Variants in ZNF236 observed in about 807,000 individuals in gnomAD.
ZNF236 encodes the protein regulated by glucose.
A neutral mutation model predicts 191.2 loss-of-function variants in ZNF236; 50 were observed. The observed-to-expected ratio is 0.26, with a 90% CI of 0.21 to 0.33. ZNF236 has a LOEUF of 0.33. Ranked by LOEUF, ZNF236 falls within the 10% of genes least tolerant of loss-of-function variation. The pLI, the probability that ZNF236 is intolerant of heterozygous loss-of-function variation, is 1.00. For missense variants in ZNF236, 1,754 were observed against 2,374.5 expected (o/e 0.74, Z 5.43); for synonymous variants, 907 against 928.8 (o/e 0.98, Z 0.43).
intron 19 of ZNF236, 65 bp downstream of exon 19, chr18:76,915,924 C>A: frequency 6.8e-7 from 1 of 1,473,030 alleles, no homozygotes; most frequent in Admixed American, 1.7e-5. Flanking sequence ...AATCCATTCA[C>A]AAATCACCGT....
In ZNF236 at chr18:76,960,768, C is replaced by T. The variant is rs774169462; in HGVS notation, c.5332C>T (p.Arg1778Trp). ...QVHMKKHTGE[R>W]PYKCAYCVMG... ...GCACATGAAGAAGCACACGGGGGAG[C>T]GGCCCTACAAGTGTGCCTACTGCGT... The change falls in exon 30 of 31, where the codon CGG (arginine) becomes TGG (tryptophan). Residue 1778 changes from arginine (R) to tryptophan (W), a missense_variant. Coordinates refer to ENST00000320610, the MANE Select transcript of ZNF236 (RefSeq NM_001306089.2). The surrounding 1 kb of genome is among the most constrained non-coding windows in gnomAD (Gnocchi z 4.4). 6.2e-6 allele frequency: 10 copies of T among 1,614,030 alleles called. No individual in the cohort carries two copies. Among genetic ancestry groups the T allele is most frequent in the East Asian group, 2.2e-5 (1 of 44,894 alleles).
chr18:76,862,462 G>A (rs1976269708), intron 3 of ZNF236, among the ~76,000 whole-genome samples: 1 of 152,148 alleles, frequency 6.6e-6, no homozygotes, highest in African/African-American at 2.4e-5. Context: ...GGCCCAAGCA[G>A]GGAGCTAACC....
At chr18:76,841,034 G>A (rs1975481449) in intron 1 of ZNF236, 1 of 152,210 alleles carries the variant, frequency 6.6e-6, no homozygotes, top group African/African-American at 2.4e-5. Context: ...CACCTCCCGG[G>A]TTCAAGCGAT....
intron 25 of ZNF236, among the ~76,000 whole-genome samples, chr18:76,935,461 C>A (rs1228281933): frequency 1.3e-5 from 2 of 152,200 alleles, no homozygotes; most frequent in African/African-American, 4.8e-5. Context: ...ACCTCTGATA[C>A]CTTAATAATC....
intron 11 of ZNF236, among the ~76,000 whole-genome samples, chr18:76,902,808 C>G (rs1205726026): frequency 1.3e-5 from 2 of 149,332 alleles, no homozygotes; most frequent in African/African-American, 4.9e-5. Context: ...CCAGGCTGAT[C>G]TCAAACTCCC....
chr18:76,942,663 C>T (rs1453471314), intron 26 of ZNF236, among the ~76,000 whole-genome samples: 4 of 151,238 alleles, frequency 2.6e-5, no homozygotes, highest in South Asian at 2.1e-4. Flanking sequence ...AGGCGCCCGC[C>T]ACCATGCCCG....
intron 12 of ZNF236, 115 bp downstream of exon 12, chr18:76,904,636 C>A: frequency 1.2e-6 from 1 of 825,452 alleles, no homozygotes; most frequent in Non-Finnish European, 1.7e-6. Context: ...AAAGATGTCA[C>A]ATTTGACTCC....
intron 30 of ZNF236, among the ~76,000 whole-genome samples, chr18:76,962,269 A>T (rs1348225206): frequency 6.6e-6 from 1 of 152,094 alleles, no homozygotes; most frequent in Admixed American, 6.5e-5. Flanking sequence ...CATTCTCCTA[A>T]CGTGTGGCTA....
At chr18:76,926,727 C>A (rs574417206) in intron 22 of ZNF236, among the ~76,000 whole-genome samples, 55 of 2,424 alleles carry the variant, frequency 0.023, 1 homozygote, top group Non-Finnish European at 0.055. Flanking sequence ...GGTGATTAGA[C>A]CATGTGTGTG....
chr18:76,824,641 C>T (rs1044880069), intron 1 of ZNF236, among the ~76,000 whole-genome samples: 3 of 152,180 alleles, frequency 2.0e-5, no homozygotes, highest in African/African-American at 4.8e-5. Flanking sequence ...AAAATTTCCA[C>T]GGCCACAGGC....
At chr18:76,949,424 G>A (rs1259505974) in intron 27 of ZNF236, among the ~76,000 whole-genome samples, 2 of 152,056 alleles carry the variant, frequency 1.3e-5, no homozygotes, top group East Asian at 1.9e-4. Context: ...ACTTGGTCTA[G>A]CTTGTAATTT....
chr18:76,865,553 A>G (rs75647127), intron 3 of ZNF236, among the ~76,000 whole-genome samples: 2,561 of 152,268 alleles, frequency 0.017, 30 homozygotes, highest in Middle Eastern at 0.02. Context: ...GTTTGGTAGA[A>G]AGTGCAGGTA....
rs1967468870 is a variant in ZNF236 at position 76,919,305 on chromosome 18, C to G, written c.3275-471C>G. On this transcript the variant is annotated intron_variant, in intron 19 of 30. Coordinates refer to ENST00000320610, the MANE Select transcript of ZNF236 (RefSeq NM_001306089.2). The surrounding 1 kb of genome is among the most constrained non-coding windows in gnomAD (Gnocchi z 5.3). ...TTTTTTTGGTTACATAATATTTCTA[C>G]ATATTTATGACGCACATGTGATATT... Among the ~76,000 whole-genome samples the G allele has an allele frequency of 6.6e-6, 1 of 152,102 alleles. No individual in the cohort carries two copies. The highest frequency in any genetic ancestry group is 6.5e-5 in the Admixed American group (1 of 15,270).
At chr18:76,937,487 G>C in intron 26 of ZNF236, 144 bp downstream of exon 26, 2 of 747,250 alleles carry the variant, frequency 2.7e-6, no homozygotes, top group Non-Finnish European at 4.0e-6. Context: ...TAAAAAATAC[G>C]GTAAATATAA....
chr18:76,943,871 T>G (rs1350268551), intron 26 of ZNF236, among the ~76,000 whole-genome samples: 1 of 152,218 alleles, frequency 6.6e-6, no homozygotes, highest in Non-Finnish European at 1.5e-5. Flanking sequence ...CACAATGTTT[T>G]GTTTTAAGTT....
At chr18:76,873,398 T>C (rs115570971) in intron 5 of ZNF236, among the ~76,000 whole-genome samples, 165 of 152,356 alleles carry the variant, frequency 1.1e-3, no homozygotes, top group African/African-American at 3.8e-3. Context: ...CTACTCCTCC[T>C]GCATTGAACT....
intron 1 of ZNF236, among the ~76,000 whole-genome samples, chr18:76,831,892 T>G (rs1247551819): frequency 6.6e-6 from 1 of 152,096 alleles, no homozygotes; most frequent in African/African-American, 2.4e-5. Flanking sequence ...TTATAGGAGG[T>G]CTTTATATAC....
intron 25 of ZNF236, among the ~76,000 whole-genome samples, chr18:76,934,697 C>T (rs1480889035): frequency 6.6e-6 from 1 of 152,224 alleles, no homozygotes; most frequent in East Asian, 1.9e-4. Flanking sequence ...AGGACGTTCT[C>T]ATCCTCACGA....
intron 11 of ZNF236, among the ~76,000 whole-genome samples, chr18:76,901,773 C>G (rs958362923): frequency 6.6e-6 from 1 of 151,958 alleles, no homozygotes; most frequent in Middle Eastern, 3.4e-3. Context: ...AAAAAAAAGT[C>G]TGATAATTTA....
Sources: allele counts gnomAD v4.1 joint callset (sites outside exome capture counted in the v4.1 genomes callset), GRCh38; gene constraint gnomAD v4.1.1; non-coding constraint Gnocchi (gnomAD v3.1); transcripts MANE v1.5; gene names NCBI Gene and HGNC (gene_info 2026-07-23, HGNC 2026-07-21).